Variants in PTPRT observed in about 807,000 individuals in gnomAD.
The protein encoded by PTPRT is protein tyrosine phosphatase receptor type T.
PTPRT carries 56 observed loss-of-function variants against 176.8 expected under a neutral mutation model. The ratio of observed to expected loss-of-function variants is 0.32; its 90% confidence interval spans 0.26 to 0.40. PTPRT has a LOEUF of 0.40. Ranked by LOEUF, PTPRT falls within the 10% of genes least tolerant of loss-of-function variation. The pLI is 1.00. For missense variants in PTPRT, 1,540 were observed against 1,908.2 expected (o/e 0.81, Z 3.60); for synonymous variants, 783 against 739.0 (o/e 1.06, Z -0.96).
At position 42,081,902 on chromosome 20, in the gene PTPRT, A is replaced by G; in HGVS notation, c.4252T>C (p.Ser1418Pro). Residue 1418 changes from serine (S) to proline (P), a missense_variant, in exon 30 of 31, where the codon TCC becomes CCC. This residue lies in a region of PTPRT where 342 missense variants were observed against 394.0 expected (regional missense o/e 0.87). Coordinates refer to ENST00000373187, the MANE Select transcript of PTPRT (RefSeq NM_007050.6). ...HIVKTLRNNK[S>P]NMVETLEQYK... ...CTCACCAGGGTCTCCACCATGTTGG[A>G]TTTGTTGTTACGCAGTGTTTTCACG... The G allele has an allele frequency of 3.7e-6, 6 of 1,614,158 alleles. No homozygotes were observed. The highest frequency in any genetic ancestry group is 5.1e-6 in the Non-Finnish European group (6 of 1,180,032).
Position 43,064,686 on chromosome 20 carries a change from G to A in PTPRT, c.88+124960C>T, listed in dbSNP as rs149269477. 1.4e-4 allele frequency among the ~76,000 whole-genome samples: 22 copies of A among 152,286 alleles called. No homozygotes were observed. The East Asian group carries it at 4.2e-3, about 29-fold the overall frequency. ...TTCAAAGAAGTCTTCTGGAAGTCAA[G>A]AGCTGACAGGAGCTGGCTGATGTCA... On this transcript the variant is annotated intron_variant, in intron 1 of 30. Transcript: ENST00000373187.
chr20:42,751,772 C>T (rs1277686377), intron 6 of PTPRT, among the ~76,000 whole-genome samples: 2 of 152,094 alleles, frequency 1.3e-5, no homozygotes, highest in East Asian at 1.9e-4. Context: ...CAGGGGCTCT[C>T]GGGCCTTTGG....
At chr20:42,613,282 A>C (rs1212246845) in intron 7 of PTPRT, among the ~76,000 whole-genome samples, 1 of 152,228 alleles carries the variant, frequency 6.6e-6, no homozygotes, top group Non-Finnish European at 1.5e-5. Flanking sequence ...ATATGATTTT[A>C]ATCACAGTAA....
chr20:42,255,712 C>T (rs1485556993), intron 13 of PTPRT, among the ~76,000 whole-genome samples: 1 of 152,192 alleles, frequency 6.6e-6, no homozygotes, highest in Admixed American at 6.5e-5. Context: ...TAGAGCTTTA[C>T]TTCAGAGAAT....
At chr20:42,658,920 T>C (rs1172728998) in intron 7 of PTPRT, among the ~76,000 whole-genome samples, 1 of 152,146 alleles carries the variant, frequency 6.6e-6, no homozygotes, top group Non-Finnish European at 1.5e-5. Context: ...ATTTACATAT[T>C]AGCTCAGTTT....
intron 9 of PTPRT, among the ~76,000 whole-genome samples, chr20:42,383,177 G>A (rs2058712879): frequency 1.3e-5 from 2 of 152,106 alleles, no homozygotes; most frequent in Admixed American, 1.3e-4. Context: ...CTGAGACTTC[G>A]GGCAGAGCAC....
At chr20:42,205,911 A>G (rs2055447231) in intron 15 of PTPRT, among the ~76,000 whole-genome samples, 1 of 152,084 alleles carries the variant, frequency 6.6e-6, no homozygotes, top group Non-Finnish European at 1.5e-5. Context: ...GCATGACTAG[A>G]TCTCAGCTTA....
chr20:42,923,527 C>T lies in PTPRT; in HGVS notation c.89-37595G>A, dbSNP rs144448982. On this transcript the variant is annotated intron_variant, in intron 1 of 30. Transcript: ENST00000373187. ...ATTGGCAGATAAAGCCCACGCGCCA[C>T]TGTCTAAGTGACAACACACTTTTCA... Among the ~76,000 whole-genome samples, 331 of 152,360 alleles carry T rather than the reference C, an allele frequency of 2.2e-3. 6 individuals are homozygous for T. Among genetic ancestry groups the T allele is most frequent in the Admixed American group, 0.019 (293 of 15,308 alleles).
chr20:42,273,860 T>G (rs2056981564), intron 13 of PTPRT, among the ~76,000 whole-genome samples: 1 of 152,268 alleles, frequency 6.6e-6, no homozygotes, highest in Non-Finnish European at 1.5e-5. Flanking sequence ...AAAGCCTTAG[T>G]TGGGTTGGTG....
intron 1 of PTPRT, among the ~76,000 whole-genome samples, chr20:43,021,016 CAGATTCAA>C (rs1280940650): frequency 1.3e-5 from 2 of 152,114 alleles, no homozygotes; most frequent in Admixed American, 6.5e-5. Flanking sequence ...CTGACCAAAC[CAGATTCAA>C]AGATACTACA....
chr20:42,217,615 C>T (rs1404866971), intron 15 of PTPRT, among the ~76,000 whole-genome samples: 1 of 152,122 alleles, frequency 6.6e-6, no homozygotes, highest in Non-Finnish European at 1.5e-5. Flanking sequence ...TCAACCTCAG[C>T]ACTGTTGGTA....
intron 1 of PTPRT, among the ~76,000 whole-genome samples, chr20:43,163,167 A>T (rs1018013911): frequency 2.0e-5 from 3 of 152,246 alleles, no homozygotes; most frequent in African/African-American, 7.2e-5. Flanking sequence ...CCTCTTAGCA[A>T]TTTTTGAGTC....
chr20:42,525,191 T>C (rs1397340416), intron 7 of PTPRT, among the ~76,000 whole-genome samples: 1 of 152,146 alleles, frequency 6.6e-6, no homozygotes, highest in Non-Finnish European at 1.5e-5. Context: ...TCTCCCTATG[T>C]TGCCCAGGCT....
chr20:42,473,195 C>T (rs2071229626), intron 7 of PTPRT, among the ~76,000 whole-genome samples: 1 of 152,144 alleles, frequency 6.6e-6, no homozygotes, highest in Non-Finnish European at 1.5e-5. Flanking sequence ...CTCTTTTTCT[C>T]CCCTGGTCCC....
chr20:42,633,977 AT>A (rs1450428826), intron 7 of PTPRT, among the ~76,000 whole-genome samples: 2,750 of 34,022 alleles, frequency 0.081, 663 homozygotes, highest in African/African-American at 0.34. Context: ...ATTATAATAT[AT>A]TATATATTAT....
Position 42,377,416 on chromosome 20 carries a change from C to T in PTPRT, c.1561-25131G>A, listed in dbSNP as rs528150965. ...TGCCCCTGATTGCACTCCCCCAACA[C>T]AAATGTATGCATGCATAAACCAGTG... On this transcript the variant is annotated intron_variant, in intron 9 of 30. Transcript: ENST00000373187. 2.0e-5 allele frequency among the ~76,000 whole-genome samples: 3 copies of T among 152,348 alleles called. No homozygotes were observed. In the East Asian group the frequency reaches 5.8e-4, roughly 29 times the overall value.
chr20:43,020,638 G>C (rs1257312010), intron 1 of PTPRT, among the ~76,000 whole-genome samples: 1 of 152,138 alleles, frequency 6.6e-6, no homozygotes, highest in Admixed American at 6.5e-5. Context: ...TGATCAGTGA[G>C]AGCGGCCTGC....
intron 1 of PTPRT, among the ~76,000 whole-genome samples, chr20:42,931,060 G>A (rs1600568447): frequency 1.3e-5 from 2 of 152,130 alleles, no homozygotes; most frequent in African/African-American, 2.4e-5. Context: ...CCCTGGCAGT[G>A]CATTAACTTT....
intron 7 of PTPRT, among the ~76,000 whole-genome samples, chr20:42,507,515 A>G (rs892253214): frequency 1.3e-5 from 2 of 152,180 alleles, no homozygotes; most frequent in Non-Finnish European, 2.9e-5. Context: ...ACGCCAATGT[A>G]TTTAGCATCT....
Sources: allele counts gnomAD v4.1 joint callset (sites outside exome capture counted in the v4.1 genomes callset), GRCh38; gene constraint gnomAD v4.1.1; regional missense constraint gnomAD v4.1.1; transcripts MANE v1.5; gene names NCBI Gene and HGNC (gene_info 2026-07-23, HGNC 2026-07-21).